Variants in FHOD3 observed in about 807,000 individuals in gnomAD.
FHOD3 encodes the protein formin homology 2 domain containing 3, also known as FH1/FH2 domain-containing protein 3.
FHOD3 carries 90 observed loss-of-function variants against 173.0 expected under a neutral mutation model. That is an observed-to-expected ratio of 0.52 (90% CI 0.44 to 0.62). FHOD3 has a LOEUF of 0.62. FHOD3 is among the 20% of genes least tolerant of loss of function. The pLI is 0.00. For synonymous variants in FHOD3, 828 were observed against 823.0 expected (o/e 1.01, Z -0.10); for missense variants, 1,945 against 2,034.7 (o/e 0.96, Z 0.85).
chr18:36,502,152 C>G (rs903425234), intron 4 of FHOD3, among the ~76,000 whole-genome samples, 153 bp downstream of exon 4: 2 of 151,726 alleles, frequency 1.3e-5, no homozygotes, highest in Non-Finnish European at 2.9e-5. Flanking sequence ...GTCATAATAT[C>G]AGTTGAGAAT....
chr18:36,561,861 A>C (rs1412348486), intron 5 of FHOD3, among the ~76,000 whole-genome samples: 1 of 152,206 alleles, frequency 6.6e-6, no homozygotes, highest in African/African-American at 2.4e-5. Flanking sequence ...CATAAAATAC[A>C]CAAAACCAAT....
intron 3 of FHOD3, among the ~76,000 whole-genome samples, chr18:36,430,461 C>T (rs2050473571): frequency 6.6e-6 from 1 of 152,222 alleles, no homozygotes; most frequent in African/African-American, 2.4e-5. Context: ...GGTGATCCGC[C>T]TGCCTCGGCC....
At chr18:36,529,652 C>G (rs1773028323) in intron 5 of FHOD3, among the ~76,000 whole-genome samples, 4 of 151,854 alleles carry the variant, frequency 2.6e-5, no homozygotes, top group African/African-American at 7.3e-5. Context: ...AACCCTGTCT[C>G]TACTAAAAAT....
chr18:36,315,517 C>T (rs1452702418), intron 1 of FHOD3, among the ~76,000 whole-genome samples: 1 of 151,964 alleles, frequency 6.6e-6, no homozygotes, highest in Non-Finnish European at 1.5e-5. Flanking sequence ...AACTGGGGGG[C>T]TCCTGCAGAG....
intron 13 of FHOD3, among the ~76,000 whole-genome samples, chr18:36,654,220 A>G (rs541951466): frequency 6.6e-6 from 1 of 152,346 alleles, no homozygotes; most frequent in South Asian, 2.1e-4. Flanking sequence ...GAAGGCTTAT[A>G]GGACCTGAAC....
At chr18:36,515,080 G>A (rs778435452) in intron 5 of FHOD3, among the ~76,000 whole-genome samples, 2 of 152,214 alleles carry the variant, frequency 1.3e-5, no homozygotes, top group Non-Finnish European at 2.9e-5. Context: ...TTGTGCATGG[G>A]CAGGTTAAAC....
chr18:36,734,725 A>G (rs757869846), intron 20 of FHOD3, among the ~76,000 whole-genome samples: 4 of 152,208 alleles, frequency 2.6e-5, no homozygotes, highest in Admixed American at 6.5e-5. Flanking sequence ...GCAATTGGGT[A>G]CATACAGATC....
chr18:36,687,713 T>TAAA (rs2038714482), intron 16 of FHOD3, among the ~76,000 whole-genome samples: 2 of 152,212 alleles, frequency 1.3e-5, no homozygotes, highest in Admixed American at 6.5e-5. Flanking sequence ...TGGCATGTAG[T>TAAA]TGGGACTTAG....
chr18:36,626,713 TG>T (rs950206656), intron 10 of FHOD3, among the ~76,000 whole-genome samples: 1 of 152,206 alleles, frequency 6.6e-6, no homozygotes, highest in African/African-American at 2.4e-5. Flanking sequence ...GAGATCCTCC[TG>T]GGAGTCAAAT....
chr18:36,374,722 A>G (rs1424638917), intron 3 of FHOD3, among the ~76,000 whole-genome samples: 1 of 152,364 alleles, frequency 6.6e-6, no homozygotes, highest in East Asian at 1.9e-4. Context: ...GAAAGTCTAC[A>G]TGGAATTCCA....
intron 3 of FHOD3, among the ~76,000 whole-genome samples, chr18:36,458,311 C>G (rs1217594933): frequency 3.3e-5 from 5 of 152,088 alleles, no homozygotes; most frequent in African/African-American, 9.7e-5. Flanking sequence ...CTTGTGGTTC[C>G]CTCTGGCTGC....
intron 20 of FHOD3, among the ~76,000 whole-genome samples, chr18:36,740,127 TA>T (rs1418420736): frequency 3.3e-5 from 5 of 152,324 alleles, no homozygotes; most frequent in Middle Eastern, 3.4e-3. Context: ...CAAATAGAAG[TA>T]AAAAGGTATA....
chr18:36,584,549 T>C (rs1316885274), intron 6 of FHOD3, among the ~76,000 whole-genome samples: 1 of 152,256 alleles, frequency 6.6e-6, no homozygotes, highest in African/African-American at 2.4e-5. Flanking sequence ...ATATTGGATG[T>C]TGTGTTTATA....
chr18:36,713,669 A>G (rs983550199), intron 18 of FHOD3, among the ~76,000 whole-genome samples: 1 of 152,200 alleles, frequency 6.6e-6, no homozygotes, highest in African/African-American at 2.4e-5. Context: ...AACAAAAAGA[A>G]AAGACAATAT....
intron 3 of FHOD3, among the ~76,000 whole-genome samples, chr18:36,405,840 T>A (rs1568228891): frequency 6.6e-6 from 1 of 152,216 alleles, no homozygotes; most frequent in Non-Finnish European, 1.5e-5. Flanking sequence ...TAATAATTAT[T>A]TTCCTTTTTT....
chr18:36,496,473 G>A (rs570268378), intron 3 of FHOD3, among the ~76,000 whole-genome samples: 19 of 152,304 alleles, frequency 1.2e-4, no homozygotes, highest in Non-Finnish European at 2.2e-4. Context: ...TGTATGTTAC[G>A]AATCAACAGA....
chr18:36,524,414 G>A (rs1043373502), intron 5 of FHOD3, among the ~76,000 whole-genome samples: 1 of 152,170 alleles, frequency 6.6e-6, no homozygotes, highest in Admixed American at 6.5e-5. Context: ...GTGAGGCCAG[G>A]GGCGTAGGAG....
In FHOD3 at chr18:36,297,945, T is replaced by C; in HGVS notation, c.110T>C (p.Leu37Pro). The change falls in exon 1 of 29, where the codon CTC (leucine) becomes CCC (proline). Residue 37 changes from leucine (L) to proline (P), a missense_variant. Leu to Pro is a moderately conservative substitution (Grantham distance 98, BLOSUM62 -3). Transcript: ENST00000590592. ...RPPLFTFRED[L>P]ALGTQLAGVH... The stretch of plus-strand genomic sequence containing the variant: ...CCGCTGTTCACGTTCCGCGAGGACC[T>C]CGCGCTCGGCACCCAGCTGGCGGGG... 6.4e-7 allele frequency: 1 copy of C among 1,565,550 alleles called. No homozygotes were observed. Among genetic ancestry groups the C allele is most frequent in the Non-Finnish European group, 8.6e-7 (1 of 1,156,818 alleles).
chr18:36,446,368 A>G (rs997483062), intron 3 of FHOD3, among the ~76,000 whole-genome samples: 12 of 149,780 alleles, frequency 8.0e-5, no homozygotes, highest in African/African-American at 2.7e-4. Context: ...CTTTAGATCT[A>G]TGTATTAATT....
Sources: gnomAD v4.1 joint callset for allele counts (sites outside exome capture counted in the v4.1 genomes callset) on GRCh38, gnomAD v4.1.1 for gene constraint, MANE v1.5 for transcripts, NCBI Gene and HGNC (gene_info 2026-07-23, HGNC 2026-07-21) for gene names.